Variants in CNOT11 observed in about 807,000 individuals in gnomAD.
CNOT11 encodes CCR4-NOT transcription complex subunit 11, also known as UPF0760 protein C2orf29.
Under a neutral mutation model 44.6 loss-of-function variants are expected in CNOT11, and 18 were observed. The observed-to-expected ratio is 0.40, with a 90% CI of 0.28 to 0.60. CNOT11 has a LOEUF of 0.60. CNOT11 is among the 20% of genes least tolerant of loss of function. CNOT11 has a pLI of 0.38. For missense variants in CNOT11, 513 were observed against 677.0 expected (o/e 0.76, Z 2.69); for synonymous variants, 291 against 270.9 (o/e 1.07, Z -0.73).
At position 101,262,530 on chromosome 2, in the gene CNOT11, T is replaced by C; in HGVS notation, c.680-9T>C. On this transcript the variant is annotated splice_polypyrimidine_tract_variant and intron_variant, in intron 2 of 6. Coordinates refer to ENST00000289382, the MANE Select transcript of CNOT11 (RefSeq NM_017546.5). Reference sequence around the variant, plus strand: ...ATGTCCATAATTTTAAAATGTCTCCTATTTCCAGAACGCCAATCTGAATTG... The same window carrying C: ...ATGTCCATAATTTTAAAATGTCTCCCATTTCCAGAACGCCAATCTGAATTG... 1 of 1,613,600 alleles carries C rather than the reference T, an allele frequency of 6.2e-7. No individual in the cohort carries two copies. Among genetic ancestry groups the C allele is most frequent in the Non-Finnish European group, 8.5e-7 (1 of 1,179,692 alleles).
chr2:101,266,282 T>G (rs534562490), intron 4 of CNOT11, among the ~76,000 whole-genome samples: 1 of 152,234 alleles, frequency 6.6e-6, no homozygotes, highest in South Asian at 2.1e-4. Context: ...CAGGACTGTT[T>G]CTTGGGAGAA....
Position 101,253,310 on chromosome 2 carries a change from G to T in CNOT11, c.346G>T (p.Asp116Tyr). 6.2e-7 allele frequency: 1 copy of T among 1,609,442 alleles called. No individual in the cohort carries two copies. Among genetic ancestry groups the T allele is most frequent in the East Asian group, 2.2e-5 (1 of 44,770 alleles). ...SVLVMLLQQP[D>Y]LLPSAAQRLT... is the part of the protein sequence containing the mutation. ...GCTCGTCATGCTGCTCCAGCAGCCC[G>T]ACCTGCTGCCTAGCGCGGCGCAGCG... Residue 116 changes from aspartate to tyrosine, a missense_variant, in exon 1 of 7, where the codon GAC becomes TAC. Around this residue, in one of 4 missense-constraint regions of CNOT11, gnomAD observed 259 missense variants for 265.7 expected, o/e 0.97. Transcript: ENST00000289382. The surrounding 1 kb of genome is among the most constrained non-coding windows in gnomAD (Gnocchi z 4.3).
At chr2:101,260,877 C>T (rs10170662) in intron 2 of CNOT11, among the ~76,000 whole-genome samples, 3,550 of 149,714 alleles carry the variant, frequency 0.024, 132 homozygotes, top group African/African-American at 0.084. Context: ...ACTTTTTGTA[C>T]TTCAACAATC....
intron 4 of CNOT11, among the ~76,000 whole-genome samples, chr2:101,265,251 C>T (rs548330784): frequency 3.9e-5 from 6 of 152,196 alleles, no homozygotes; most frequent in African/African-American, 1.4e-4. Flanking sequence ...CAGGCATGCA[C>T]CACCATGCCC....
intron 5 of CNOT11, among the ~76,000 whole-genome samples, chr2:101,267,627 G>T (rs936016035): frequency 6.6e-6 from 1 of 152,098 alleles, no homozygotes; most frequent in Non-Finnish European, 1.5e-5. Flanking sequence ...TGCCATCCTT[G>T]ACTGTCAGGA....
rs1463021795 is a variant in CNOT11, at chr2:101,252,915, C to A, written c.-50C>A. The stretch of plus-strand genomic sequence containing the variant: ...TTTACGGCCGCGGGGACGGAGCGAG[C>A]CGGCGCCAGGGCCCCTCGGGCCGGG... On this transcript the variant is annotated 5_prime_UTR_variant, in exon 1 of 7. Transcript: ENST00000289382. 9.4e-6 allele frequency: 13 copies of A among 1,385,052 alleles called. No homozygotes were observed. The highest frequency in any genetic ancestry group is 1.5e-5 in the African/African-American group (1 of 65,306). The allele number at this position is 1,385,052 out of a possible 1,614,324, so 85.8% of individuals were successfully genotyped here.
intron 5 of CNOT11, 130 bp from the exon 6 acceptor site, chr2:101,268,910 A>T: frequency 1.6e-6 from 1 of 610,494 alleles, no homozygotes; most frequent in Non-Finnish European, 2.9e-6. Flanking sequence ...AAGTATATTT[A>T]AAACTAGGGA....
chr2:101,268,854 G>C (rs1682050727), intron 5 of CNOT11, among the ~76,000 whole-genome samples, 186 bp from the exon 6 acceptor site: 1 of 152,182 alleles, frequency 6.6e-6, no homozygotes, highest in Admixed American at 6.5e-5. Flanking sequence ...ATTTTAAACA[G>C]TGTTATTTAT....
rs925061439 is a variant in CNOT11, at chr2:101,253,031, C to T, written c.67C>T (p.Arg23Trp). 16 of 1,514,054 alleles carry T rather than the reference C, an allele frequency of 1.1e-5. No homozygotes were observed. The African/African-American group carries it at 2.0e-4, about 19-fold the overall frequency. The allele number at this position is 1,514,054 out of a possible 1,614,324, so 93.8% of individuals were successfully genotyped here. A position where few individuals can be genotyped will look rare whatever the true frequency, so the allele number is the denominator to read the frequency against. ...CACCGCCGCGGAGCAAAGAGGGTCC[C>T]GGGAAGCGGCAGGGTCGGCGTCCAG... ...LLTAAEQRGSREAAGSASRSG... is the reference protein window; with the variant it reads ...LLTAAEQRGSWEAAGSASRSG... The change falls in exon 1 of 7, where the codon CGG (arginine) becomes TGG (tryptophan). Residue 23 changes from arginine (R) to tryptophan (W), a missense_variant. Physicochemically the swap from Arg to Trp is moderately radical, Grantham distance 101. Transcript: ENST00000289382. This position sits in a 1 kb window ranked among gnomAD's most constrained non-coding sequence, Gnocchi z 4.3.
At chr2:101,267,315 GT>G (rs1257842171) in intron 5 of CNOT11, among the ~76,000 whole-genome samples, 1 of 152,054 alleles carries the variant, frequency 6.6e-6, no homozygotes, top group East Asian at 1.9e-4. Context: ...TAGAGACGGG[GT>G]TTCGCCATGT....
At chr2:101,260,723 C>T (rs1430195638) in intron 2 of CNOT11, among the ~76,000 whole-genome samples, 1 of 152,034 alleles carries the variant, frequency 6.6e-6, no homozygotes, top group African/African-American at 2.4e-5. Context: ...GAAGTTTTAC[C>T]CTAACAATGA....
rs1317228941 is a variant in CNOT11 at position 101,262,710 on chromosome 2, A to G, written c.832+19A>G. 1 of 1,602,362 alleles carries G rather than the reference A, an allele frequency of 6.2e-7. No homozygotes were observed. Among genetic ancestry groups the G allele is most frequent in the Admixed American group, 1.7e-5 (1 of 58,776 alleles). The stretch of plus-strand genomic sequence containing the variant: ...ATTGAAAGTAGGTACATATAAATTA[A>G]TTTATACTCTTTGTTTTATTCTGTC... On this transcript the variant is annotated intron_variant, in intron 3 of 6. Coordinates refer to ENST00000289382, the MANE Select transcript of CNOT11 (RefSeq NM_017546.5).
chr2:101,260,060 C>T (rs1485310068), intron 2 of CNOT11, among the ~76,000 whole-genome samples: 9 of 152,052 alleles, frequency 5.9e-5, no homozygotes, highest in South Asian at 2.1e-4. Context: ...AAAGCAGAGA[C>T]AAGAACAATG....
At position 101,269,208 on chromosome 2, in the gene CNOT11, T is replaced by A; in HGVS notation, c.1336-8T>A. 1 of 1,605,356 alleles carries A rather than the reference T, an allele frequency of 6.2e-7. No homozygotes were observed. The highest frequency in any genetic ancestry group is 8.5e-7 in the Non-Finnish European group (1 of 1,176,278). On this transcript the variant is annotated splice_region_variant and splice_polypyrimidine_tract_variant and intron_variant, in intron 6 of 6. Coordinates refer to ENST00000289382, the MANE Select transcript of CNOT11 (RefSeq NM_017546.5). The surrounding 1 kb of genome is among the most constrained non-coding windows in gnomAD (Gnocchi z 4.8). ...AGCAGACTAACATTTTTTTTTTTCC[T>A]TTTTCAGAATCGGTTGGTGCGTCTT...
At chr2:101,264,798 A>C (rs751395086) in intron 3 of CNOT11, 47 bp from the exon 4 acceptor site, 2 of 1,435,650 alleles carry the variant, frequency 1.4e-6, no homozygotes, top group African/African-American at 2.8e-5. Flanking sequence ...AGATGTGTAG[A>C]GATGTTAGCT....
chr2:101,264,256 T>C (rs1045568008), intron 3 of CNOT11, among the ~76,000 whole-genome samples: 4 of 152,232 alleles, frequency 2.6e-5, no homozygotes, highest in Admixed American at 1.3e-4. Context: ...CATTTTCCTT[T>C]TGTACTTCTA....
Position 101,264,874 on chromosome 2 carries a change from C to A in CNOT11, c.862C>A (p.Pro288Thr). 6.2e-7 allele frequency: 1 copy of A among 1,614,138 alleles called. No homozygotes were observed. Among genetic ancestry groups the A allele is most frequent in the Non-Finnish European group, 8.5e-7 (1 of 1,180,014 alleles). Residue 288 changes from proline to threonine, a missense_variant, in exon 4 of 7, where the codon CCG (proline) becomes ACG (threonine). By Grantham distance (38) the Pro-to-Thr change is conservative. Coordinates refer to ENST00000289382, the MANE Select transcript of CNOT11 (RefSeq NM_017546.5). ...SHFRPEFIRP[P>T]PPLHICEDEL... ...TTTTCGACCAGAGTTTATTCGTCCA[C>A]CGCCTCCACTCCACATTTGTGAGGA... is the stretch of plus-strand genomic sequence containing the variant.
At position 101,257,875 on chromosome 2, in the gene CNOT11, C is replaced by T. The variant is rs778787740; in HGVS notation, c.599C>T (p.Thr200Met). The T allele has an allele frequency of 2.5e-6, 4 of 1,614,072 alleles. No individual in the cohort carries two copies. The highest frequency in any genetic ancestry group is 1.1e-5 in the South Asian group (1 of 91,068). The change falls in exon 2 of 7, where the codon ACG (threonine) becomes ATG (methionine). Residue 200 changes from threonine to methionine, a missense_variant. Thr to Met is a moderately conservative substitution (Grantham distance 81). Coordinates refer to ENST00000289382, the MANE Select transcript of CNOT11 (RefSeq NM_017546.5). ...LAPPRELFKK[T>M]PRQIALMDVG... ...CCCCCACGGGAACTCTTCAAAAAGA[C>T]GCCTCGCCAGATTGCACTGATGGAC... is the stretch of plus-strand genomic sequence containing the variant.
At chr2:101,254,045 G>A (rs1196055972) in intron 1 of CNOT11, among the ~76,000 whole-genome samples, 1 of 152,182 alleles carries the variant, frequency 6.6e-6, no homozygotes, top group African/African-American at 2.4e-5. Flanking sequence ...AAGTGCATAC[G>A]TGGTATACAT....
Sources: allele counts gnomAD v4.1 joint callset (sites outside exome capture counted in the v4.1 genomes callset), GRCh38; gene constraint gnomAD v4.1.1; regional missense constraint gnomAD v4.1.1; non-coding constraint Gnocchi (gnomAD v3.1); transcripts MANE v1.5; gene names NCBI Gene and HGNC (gene_info 2026-07-23, HGNC 2026-07-21).